ADAM12: variants seen among roughly 807,000 people sequenced by gnomAD.
The protein encoded by ADAM12 is disintegrin and metalloproteinase domain-containing protein 12.
Under a neutral mutation model 106.4 loss-of-function variants are expected in ADAM12, and 70 were observed. The ratio of observed to expected loss-of-function variants is 0.66; its 90% CI spans 0.54 to 0.80. The LOEUF is 0.80. Ranked by LOEUF, ADAM12 falls within the 30% of genes least tolerant of loss-of-function variation. ADAM12 has a pLI of 0.00. For synonymous variants in ADAM12, 420 were observed against 433.5 expected, an observed-to-expected ratio of 0.97 and a Z score of 0.39; for missense variants, 1,010 against 1,171.9, an observed-to-expected ratio of 0.86 and a Z score of 2.02.
rs145943692 is a variant in ADAM12, at chr10:126,152,822, T to C, written c.339+2405A>G. 4.1e-4 allele frequency among the ~76,000 whole-genome samples: 63 copies of C among 152,318 alleles called. No homozygotes were observed. The East Asian group carries it at 0.011, about 26-fold the overall frequency. ...TGTTTTTCTACTCTTTAAATAGTTATACTTAAAATTGCAGGACACACTCTT... is the reference window on the plus strand; with the variant it reads ...TGTTTTTCTACTCTTTAAATAGTTACACTTAAAATTGCAGGACACACTCTT... On this transcript the variant is annotated intron_variant, in intron 4 of 22. Coordinates refer to ENST00000448723, the MANE Select transcript of ADAM12 (RefSeq NM_001288973.2).
At chr10:126,369,823 T>C (rs1490827436) in intron 1 of ADAM12, among the ~76,000 whole-genome samples, 2 of 152,124 alleles carry the variant, frequency 1.3e-5, no homozygotes, top group Non-Finnish European at 2.9e-5. Context: ...TTCACTCTCA[T>C]ATGTAACCCT....
chr10:126,115,236 A>G (rs1955958543), intron 6 of ADAM12, among the ~76,000 whole-genome samples: 2 of 152,258 alleles, frequency 1.3e-5, no homozygotes, highest in Non-Finnish European at 2.9e-5. Flanking sequence ...AGGCAATTCA[A>G]AAATAATTTG....
intron 3 of ADAM12, among the ~76,000 whole-genome samples, chr10:126,218,473 G>A (rs1958029838): frequency 6.6e-6 from 1 of 152,184 alleles, no homozygotes; most frequent in African/African-American, 2.4e-5. Context: ...TTTCTGGGCA[G>A]ACTCAGCCAA....
chr10:126,306,846 C>T (rs898592239), intron 2 of ADAM12, among the ~76,000 whole-genome samples: 1 of 152,164 alleles, frequency 6.6e-6, no homozygotes, highest in African/African-American at 2.4e-5. Flanking sequence ...ATGAAGTTTT[C>T]TTTGCATTTA....
At chr10:126,350,102 A>G (rs1855297991) in intron 1 of ADAM12, among the ~76,000 whole-genome samples, 1 of 152,192 alleles carries the variant, frequency 6.6e-6, no homozygotes, top group Non-Finnish European at 1.5e-5. Flanking sequence ...ATATTCTTAT[A>G]AATATTTCAA....
At chr10:126,170,479 C>A (rs1957100849) in intron 3 of ADAM12, among the ~76,000 whole-genome samples, 1 of 151,078 alleles carries the variant, frequency 6.6e-6, no homozygotes, top group African/African-American at 2.4e-5. Context: ...CCCAGGTGTA[C>A]AGAGGCATAA....
intron 14 of ADAM12, among the ~76,000 whole-genome samples, chr10:126,063,359 A>G (rs1432199779): frequency 1.3e-5 from 2 of 152,236 alleles, no homozygotes; most frequent in African/African-American, 4.8e-5. Flanking sequence ...AGCAGGACCC[A>G]GCTCCGAGAG....
intron 3 of ADAM12, among the ~76,000 whole-genome samples, chr10:126,178,770 G>C (rs1957264252): frequency 6.6e-6 from 1 of 152,072 alleles, no homozygotes; most frequent in Middle Eastern, 3.2e-3. Flanking sequence ...AAGCAGGCCG[G>C]GCGCAGTGGC....
chr10:126,379,538 T>C (rs1476849637), intron 1 of ADAM12, among the ~76,000 whole-genome samples: 1 of 151,536 alleles, frequency 6.6e-6, no homozygotes, highest in East Asian at 1.9e-4. Flanking sequence ...CTGGGGCGCC[T>C]GTCAGGGGGA....
At chr10:126,082,210 T>C (rs1221338021) in intron 11 of ADAM12, among the ~76,000 whole-genome samples, 1 of 152,164 alleles carries the variant, frequency 6.6e-6, no homozygotes, top group Non-Finnish European at 1.5e-5. Flanking sequence ...TGAAAGCTTT[T>C]TTCTGGCCCT....
intron 4 of ADAM12, among the ~76,000 whole-genome samples, chr10:126,148,196 T>C (rs937177537): frequency 2.6e-5 from 4 of 152,212 alleles, no homozygotes; most frequent in Non-Finnish European, 4.4e-5. Context: ...AACCAGCTTA[T>C]ACCAATTGTT....
At chr10:126,059,926 A>T (rs1737533156) in intron 14 of ADAM12, among the ~76,000 whole-genome samples, 1 of 152,242 alleles carries the variant, frequency 6.6e-6, no homozygotes, top group South Asian at 2.1e-4. Context: ...ATATTGACAG[A>T]AAATCTTTGT....
chr10:126,365,160 G>C (rs1044682293), intron 1 of ADAM12, among the ~76,000 whole-genome samples: 17 of 152,118 alleles, frequency 1.1e-4, no homozygotes, highest in African/African-American at 3.9e-4. Context: ...AGCCTACACA[G>C]CCAAAGACCT....
chr10:126,286,335 C>T (rs965536086), intron 2 of ADAM12, among the ~76,000 whole-genome samples: 5 of 152,072 alleles, frequency 3.3e-5, no homozygotes, highest in Non-Finnish European at 5.9e-5. Context: ...GGTCAACAGC[C>T]AAGTCCACTC....
chr10:126,124,772 ATC>A (rs769540437), intron 5 of ADAM12, among the ~76,000 whole-genome samples: 7 of 151,694 alleles, frequency 4.6e-5, no homozygotes, highest in African/African-American at 7.3e-5. Context: ...CGTGCCTGTA[ATC>A]CCATCTACTC....
intron 1 of ADAM12, among the ~76,000 whole-genome samples, chr10:126,348,369 T>A (rs374704240): frequency 2.0e-5 from 3 of 152,086 alleles, no homozygotes; most frequent in African/African-American, 7.2e-5. Flanking sequence ...AGGCTTTGAA[T>A]GGGCAGGATC....
intron 17 of ADAM12, among the ~76,000 whole-genome samples, chr10:126,044,710 T>C (rs1954269372): frequency 6.6e-6 from 1 of 152,220 alleles, no homozygotes; most frequent in Non-Finnish European, 1.5e-5. Flanking sequence ...CTACCCTCAT[T>C]GCTTCAGATA....
At chr10:126,267,355 A>G (rs1959117389) in intron 3 of ADAM12, among the ~76,000 whole-genome samples, 1 of 152,164 alleles carries the variant, frequency 6.6e-6, no homozygotes, top group Non-Finnish European at 1.5e-5. Flanking sequence ...CATTGCATTT[A>G]TTGTGTACTT....
intron 1 of ADAM12, among the ~76,000 whole-genome samples, chr10:126,334,000 C>T (rs947329209): frequency 1.3e-5 from 2 of 152,140 alleles, no homozygotes; most frequent in African/African-American, 4.8e-5. Flanking sequence ...TCATTGGCTG[C>T]ACAACAGCCC....
Sources: gnomAD v4.1 joint callset for allele counts (sites outside exome capture counted in the v4.1 genomes callset) on GRCh38, gnomAD v4.1.1 for gene constraint, MANE v1.5 for transcripts, NCBI Gene and HGNC (gene_info 2026-07-23, HGNC 2026-07-21) for gene names.